Variants in ASB5 observed in about 807,000 individuals in gnomAD.
ASB5 encodes ankyrin repeat and SOCS box protein 5.
ASB5 carries 45 observed loss-of-function variants against 42.1 expected under a neutral mutation model. The observed-to-expected ratio is 1.07, with a 90% CI of 0.84 to 1.37. ASB5 has a LOEUF of 1.37. ASB5 is among the 40% of genes most tolerant of loss of function. ASB5 has a pLI of 0.00. For missense variants in ASB5, 402 were observed against 399.8 expected (o/e 1.01, Z -0.05); for synonymous variants, 147 against 150.6 (o/e 0.98, Z 0.18).
At chr4:176,264,975 G>T (rs569710555) in intron 1 of ASB5, among the ~76,000 whole-genome samples, 29 of 151,862 alleles carry the variant, frequency 1.9e-4, no homozygotes, top group Non-Finnish European at 3.5e-4. Context: ...TCTCCTCATG[G>T]CAAGGTCGTA....
upstream of ASB5, among the ~76,000 whole-genome samples, chr4:176,270,125 T>C (rs1372972992): frequency 6.6e-6 from 1 of 152,064 alleles, no homozygotes; most frequent in Non-Finnish European, 1.5e-5. Context: ...ATTAAGAAAA[T>C]GACATACAGC....
At chr4:176,272,093 C>T (rs537669106), upstream of ASB5, among the ~76,000 whole-genome samples, 3 of 152,144 alleles carry the variant, frequency 2.0e-5, no homozygotes, top group African/African-American at 4.8e-5. Flanking sequence ...ACTTTATGTG[C>T]GCTTACTAAG....
intron 2 of ASB5, among the ~76,000 whole-genome samples, chr4:176,274,626 AGC>A (rs1336609513): frequency 2.0e-5 from 3 of 152,200 alleles, no homozygotes; most frequent in African/African-American, 4.8e-5. Context: ...CCTCTGAGGT[AGC>A]CACACCCTGT....
At chr4:176,223,817 A>G (rs902592896) in intron 2 of ASB5, among the ~76,000 whole-genome samples, 6 of 152,190 alleles carry the variant, frequency 3.9e-5, no homozygotes, top group African/African-American at 1.4e-4. Context: ...TTCTTGGCTG[A>G]ACTGTCAGTG....
chr4:176,272,941 CTTTTTTTTTTT>C (rs60310080), upstream of ASB5, among the ~76,000 whole-genome samples: 2 of 110,960 alleles, frequency 1.8e-5, no homozygotes, highest in East Asian at 2.7e-4. Context: ...CTTCGATGAC[CTTTTTTTTTTT>C]TTTTTTTTTT....
At chr4:176,256,288 T>A (rs575618829) in intron 1 of ASB5, among the ~76,000 whole-genome samples, 1 of 152,334 alleles carries the variant, frequency 6.6e-6, no homozygotes, top group East Asian at 1.9e-4. Context: ...TATTATAATT[T>A]TGTTCCCTAT....
intron 1 of ASB5, among the ~76,000 whole-genome samples, chr4:176,265,010 T>C (rs891199609): frequency 6.6e-6 from 1 of 152,152 alleles, no homozygotes; most frequent in Non-Finnish European, 1.5e-5. Flanking sequence ...TTCAAATCTC[T>C]CTCGTCCAAC....
chr4:176,251,675 A>C (rs1478700502), intron 1 of ASB5, among the ~76,000 whole-genome samples: 1 of 150,766 alleles, frequency 6.6e-6, no homozygotes, highest in Admixed American at 6.7e-5. Context: ...AAAGGTGAAC[A>C]AGCAGTGTTC....
intron 1 of ASB5, among the ~76,000 whole-genome samples, chr4:176,261,300 A>G (rs1249949036): frequency 1.3e-5 from 2 of 152,204 alleles, no homozygotes; most frequent in African/African-American, 2.4e-5. Flanking sequence ...ATATTAAATC[A>G]TTATACCAAG....
intron 1 of ASB5, among the ~76,000 whole-genome samples, chr4:176,238,922 G>A (rs528795415): frequency 2.0e-5 from 3 of 152,304 alleles, no homozygotes; most frequent in South Asian, 2.1e-4. Flanking sequence ...GTGACCTGGA[G>A]CGAGTAGCTT....
At chr4:176,256,854 G>T (rs1754166778) in intron 1 of ASB5, among the ~76,000 whole-genome samples, 1 of 152,062 alleles carries the variant, frequency 6.6e-6, no homozygotes, top group African/African-American at 2.4e-5. Context: ...CGGGAGGATT[G>T]CTTGAGCCTG....
At chr4:176,236,681 G>A (rs1486892742) in intron 1 of ASB5, among the ~76,000 whole-genome samples, 1 of 151,822 alleles carries the variant, frequency 6.6e-6, no homozygotes, top group Non-Finnish European at 1.5e-5. Context: ...ACAATCTTGG[G>A]GGGCAAGAGT....
chr4:176,233,127 C>T (rs909343070), intron 1 of ASB5, among the ~76,000 whole-genome samples: 6 of 152,166 alleles, frequency 3.9e-5, no homozygotes, highest in African/African-American at 1.2e-4. Flanking sequence ...TTTGAAACAT[C>T]ACAAATACAA....
intron 1 of ASB5, among the ~76,000 whole-genome samples, chr4:176,238,186 G>A (rs1215382268): frequency 8.4e-5 from 11 of 131,142 alleles, no homozygotes; most frequent in African/African-American, 2.3e-4. Flanking sequence ...CAGCCTGGGC[G>A]ACAGAAGGAG....
At chr4:176,239,107 T>C (rs370474383) in intron 1 of ASB5, among the ~76,000 whole-genome samples, 17 of 152,250 alleles carry the variant, frequency 1.1e-4, no homozygotes, top group Non-Finnish European at 1.9e-4. Flanking sequence ...CCCAGGCTAT[T>C]TGTATGGGTG....
intron 1 of ASB5, among the ~76,000 whole-genome samples, chr4:176,230,208 G>A (rs913482409): frequency 1.3e-5 from 2 of 152,156 alleles, no homozygotes; most frequent in African/African-American, 2.4e-5. Flanking sequence ...CTAAACATAA[G>A]CTGGTAAATG....
intron 5 of ASB5, among the ~76,000 whole-genome samples, chr4:176,219,768 T>C (rs1579309671): frequency 6.6e-6 from 1 of 151,394 alleles, no homozygotes; most frequent in East Asian, 1.9e-4. Context: ...GGTTTCACTA[T>C]GTTGGCCAGG....
upstream of ASB5, among the ~76,000 whole-genome samples, chr4:176,272,747 C>T (rs1754491755): frequency 6.6e-6 from 1 of 152,004 alleles, no homozygotes; most frequent in Non-Finnish European, 1.5e-5. Context: ...CCAGATTAGC[C>T]TTTAAATTCT....
intron 1 of ASB5, among the ~76,000 whole-genome samples, chr4:176,228,593 T>C (rs539924781): frequency 5.3e-5 from 8 of 152,220 alleles, no homozygotes; most frequent in Non-Finnish European, 8.8e-5. Context: ...AGTTTTCATT[T>C]GCAACAAGTT....
Sources: allele counts gnomAD v4.1 joint callset (sites outside exome capture counted in the v4.1 genomes callset), GRCh38; gene constraint gnomAD v4.1.1; transcripts MANE v1.5; gene names NCBI Gene and HGNC (gene_info 2026-07-23, HGNC 2026-07-21).